The following MYO7B variants were observed in gnomAD, a reference collection of about 807,000 sequenced individuals.
MYO7B encodes unconventional myosin-VIIb.
MYO7B carries 212 observed loss-of-function variants against 259.7 expected under a neutral mutation model. The ratio of observed to expected loss-of-function variants is 0.82; its 90% CI spans 0.73 to 0.91. MYO7B has a LOEUF of 0.91. Ranked by LOEUF, MYO7B falls within the 40% of genes least tolerant of loss-of-function variation. The pLI, the probability that MYO7B is intolerant of heterozygous loss-of-function variation, is 0.00. For missense variants in MYO7B, 2,732 were observed against 2,813.5 expected, an observed-to-expected ratio of 0.97 and a Z score of 0.66; for synonymous variants, 1,197 against 1,166.4, an observed-to-expected ratio of 1.03 and a Z score of -0.54.
rs146937631 is a variant in MYO7B, at chr2:127,636,735, A to C, written c.6208-59A>C. ...GTGTCCTGCCTCTCTCCTGTCCCCT[A>C]ACACACACAGAGCCCGTGCTCTGGA... is the stretch of plus-strand genomic sequence containing the variant. On this transcript the variant is annotated intron_variant, in intron 46 of 47. Coordinates refer to ENST00000409816, the MANE Select transcript of MYO7B (RefSeq NM_001393586.1). This position sits in a 1 kb window ranked among gnomAD's most constrained non-coding sequence, Gnocchi z 4.5. The C allele has an allele frequency of 5.6e-6, 9 of 1,611,688 alleles. No individual in the cohort carries two copies. Among genetic ancestry groups the C allele is most frequent in the South Asian group, 3.3e-5 (3 of 90,920 alleles).
At chr2:127,635,051 G>C in intron 42 of MYO7B, 69 bp from the exon 43 acceptor site, 1 of 1,278,088 alleles carries the variant, frequency 7.8e-7, no homozygotes, top group East Asian at 2.4e-5. Context: ...CAGTGTGGGG[G>C]GTGGCAGGGG....
chr2:127,609,897 C>T lies in MYO7B; in HGVS notation c.3073C>T (p.Pro1025Ser). ...NVILRFMGDLPEPVLYARSSQ... is the reference protein window; with the variant it reads ...NVILRFMGDLSEPVLYARSSQ... ...CATCCTGAGGTTCATGGGTGATCTC[C>T]CAGAGCCAGTGCTGTATGCCAGGAG... The change falls in exon 24 of 48, where the codon CCA (proline) becomes TCA (serine). Residue 1025 changes from proline (P) to serine (S), a missense_variant. Around this residue, in one of 3 missense-constraint regions of MYO7B, gnomAD observed 1,906 missense variants for 2,026.4 expected, o/e 0.94. Coordinates refer to ENST00000409816, the MANE Select transcript of MYO7B (RefSeq NM_001393586.1). This position sits in a 1 kb window ranked among gnomAD's most constrained non-coding sequence, Gnocchi z 6.9. 1 of 1,611,704 alleles carries T rather than the reference C, an allele frequency of 6.2e-7. No homozygotes were observed.
chr2:127,582,499 C>A (rs1679142910), intron 12 of MYO7B, 53 bp downstream of exon 12: 3 of 1,590,396 alleles, frequency 1.9e-6, no homozygotes, highest in Middle Eastern at 1.7e-4. Context: ...AGAAGATAAG[C>A]AGCTCCTCTC....
At chr2:127,545,390 C>A (rs1052211911) in intron 1 of MYO7B, among the ~76,000 whole-genome samples, 1 of 152,186 alleles carries the variant, frequency 6.6e-6, no homozygotes, top group Non-Finnish European at 1.5e-5. Flanking sequence ...GCCCAGGGGC[C>A]CCCTCCTTCC....
chr2:127,600,978 C>T (rs556220267), intron 19 of MYO7B, among the ~76,000 whole-genome samples: 57 of 152,302 alleles, frequency 3.7e-4, no homozygotes, highest in African/African-American at 1.3e-3. Flanking sequence ...ACTGCTTTAG[C>T]TGTGTTTCAC....
At position 127,593,929 on chromosome 2, in the gene MYO7B, C is replaced by T. The variant is rs13419716; in HGVS notation, c.2244+285C>T. On this transcript the variant is annotated intron_variant, in intron 18 of 47. Coordinates refer to ENST00000409816, the MANE Select transcript of MYO7B (RefSeq NM_001393586.1). ...GCAAGGCCTGAGGGTGCAGAGGAGG[C>T]GCCTTCCAGCCACAGGGCAGCACCC... Among the ~76,000 whole-genome samples, 2,052 of 152,296 alleles carry T rather than the reference C, an allele frequency of 0.013. 48 individuals carry two copies. The highest frequency in any genetic ancestry group is 0.046 in the African/African-American group (1,924 of 41,548).
intron 27 of MYO7B, 128 bp from the exon 28 acceptor site, chr2:127,621,854 G>A (rs1680853642): frequency 7.4e-7 from 1 of 1,355,702 alleles, no homozygotes; most frequent in Admixed American, 2.0e-5. Flanking sequence ...CCTTCTAACG[G>A]GTGTGAGGGT....
At position 127,593,808 on chromosome 2, in the gene MYO7B, C is replaced by T. The variant is rs113784945; in HGVS notation, c.2244+164C>T. Among the ~76,000 whole-genome samples the T allele has an allele frequency of 2.2e-3, 339 of 152,340 alleles. 1 individual carries two copies. The highest frequency in any genetic ancestry group is 7.2e-3 in the African/African-American group (301 of 41,594). Reference sequence around the variant, plus strand: ...CCTCAGGGCACCCCTGGATGTAGAACATCACGCTAGGGGACAATGAGGTGG... The same window carrying T: ...CCTCAGGGCACCCCTGGATGTAGAATATCACGCTAGGGGACAATGAGGTGG... On this transcript the variant is annotated intron_variant, in intron 18 of 47. Transcript: ENST00000409816.
chr2:127,559,121 TC>T lies in MYO7B; in HGVS notation c.-23-577del, dbSNP rs1428935344. Among the ~76,000 whole-genome samples the T allele has an allele frequency of 9.2e-5, 14 of 152,180 alleles. No homozygotes were observed. The highest frequency in any genetic ancestry group is 7.3e-5 in the Non-Finnish European group (5 of 68,028). The stretch of plus-strand genomic sequence containing the variant: ...CAAGTGGGCTCCTCCCCGCTCCTCC[TC>T]CTGCTGGGCCTGGCTGCCTACTTGG... On this transcript the variant is annotated intron_variant, in intron 1 of 47. Coordinates refer to ENST00000409816, the MANE Select transcript of MYO7B (RefSeq NM_001393586.1). This position sits in a 1 kb window ranked among gnomAD's most constrained non-coding sequence, Gnocchi z 4.1.
Position 127,581,915 on chromosome 2 carries a change from T to C in MYO7B, c.1105T>C (p.Cys369Arg). Residue 369 changes from cysteine to arginine, a missense_variant, in exon 11 of 48, where the codon TGT becomes CGT. By Grantham distance (180) the Cys-to-Arg change is radical. This residue lies in a region of MYO7B where 1,906 missense variants were observed against 2,026.4 expected (regional missense o/e 0.94). Transcript: ENST00000409816. Reference sequence around the variant, plus strand: ...GGTGCAGCACCAGGAGCTCCGGGACTGTCTGATCAAGCACACCATCCTCAT... The same window carrying C: ...GGTGCAGCACCAGGAGCTCCGGGACCGTCTGATCAAGCACACCATCCTCAT... ...LEVQHQELRD[C>R]LIKHTILIRG... is the part of the protein sequence containing the mutation. 5.0e-6 allele frequency: 8 copies of C among 1,613,864 alleles called. No homozygotes were observed. Among genetic ancestry groups the C allele is most frequent in the Non-Finnish European group, 6.8e-6 (8 of 1,179,862 alleles).
intron 1 of MYO7B, among the ~76,000 whole-genome samples, chr2:127,549,812 A>T (rs972641177): frequency 6.6e-6 from 1 of 152,174 alleles, no homozygotes; most frequent in African/African-American, 2.4e-5. Context: ...GTGGGCACAC[A>T]TAAGGGGAGT....
intron 6 of MYO7B, among the ~76,000 whole-genome samples, chr2:127,571,804 C>T (rs1259907146): frequency 6.6e-6 from 1 of 152,064 alleles, no homozygotes; most frequent in Non-Finnish European, 1.5e-5. Context: ...AGAGTTCGTT[C>T]TGTGTTCTGG....
intron 1 of MYO7B, among the ~76,000 whole-genome samples, chr2:127,537,412 G>A (rs1345799925): frequency 6.6e-6 from 1 of 152,178 alleles, no homozygotes; most frequent in Non-Finnish European, 1.5e-5. Flanking sequence ...AAAACCAATG[G>A]CCTCCATACA....
Position 127,631,288 on chromosome 2 carries a change from C to A in MYO7B, c.5020C>A (p.Pro1674Thr), listed in dbSNP as rs1427340087. ...RGHLWAYSCEPLRQPLLKRVH... is the reference protein window; with the variant it reads ...RGHLWAYSCETLRQPLLKRVH... ...CCACCTGTGGGCCTATTCCTGCGAGCCGCTGCGACAGCCGCTGCTCAAGCG... is the reference window on the plus strand; with the variant it reads ...CCACCTGTGGGCCTATTCCTGCGAGACGCTGCGACAGCCGCTGCTCAAGCG... Residue 1674 changes from proline to threonine, a missense_variant, in exon 37 of 48, where the codon CCG (proline) becomes ACG (threonine). Physicochemically the swap from Pro to Thr is conservative, Grantham distance 38. Coordinates refer to ENST00000409816, the MANE Select transcript of MYO7B (RefSeq NM_001393586.1). 2 of 1,612,116 alleles carry A rather than the reference C, an allele frequency of 1.2e-6. No homozygotes were observed. The highest frequency in any genetic ancestry group is 1.7e-6 in the Non-Finnish European group (2 of 1,179,458).
At chr2:127,536,852 G>T (rs959212663) in intron 1 of MYO7B, among the ~76,000 whole-genome samples, 1 of 152,158 alleles carries the variant, frequency 6.6e-6, no homozygotes, top group Non-Finnish European at 1.5e-5. Flanking sequence ...GACCTGCTGG[G>T]GGCCCTACGT....
rs1204839342 is a variant in MYO7B, at chr2:127,592,892, C to A, written c.2091C>A (p.Phe697Leu). 1 of 1,608,748 alleles carries A rather than the reference C, an allele frequency of 6.2e-7. No individual in the cohort carries two copies. Among genetic ancestry groups the A allele is most frequent in the Admixed American group, 1.7e-5 (1 of 59,512 alleles). The part of the protein sequence containing the change: ...RKSGFPIRYT[F>L]EEFSQRFGVL... ...CGGGCTTCCCCATCCGCTACACGTT[C>A]GAGGAGTTCTCGCAGAGGTTCGGCG... The change falls in exon 17 of 48, where the codon TTC becomes TTA. Residue 697 changes from phenylalanine to leucine, a missense_variant. By Grantham distance (22) the Phe-to-Leu change is conservative (BLOSUM62 0). This residue lies in a region of MYO7B where 1,906 missense variants were observed against 2,026.4 expected (regional missense o/e 0.94). Coordinates refer to ENST00000409816, the MANE Select transcript of MYO7B (RefSeq NM_001393586.1).
Position 127,584,892 on chromosome 2 carries a change from G to A in MYO7B, c.1669G>A (p.Glu557Lys), listed in dbSNP as rs748713861. 10 of 1,613,792 alleles carry A rather than the reference G, an allele frequency of 6.2e-6. No homozygotes were observed. The highest frequency in any genetic ancestry group is 3.3e-5 in the South Asian group (3 of 91,080). Residue 557 changes from glutamate (E) to lysine (K), a missense_variant, in exon 14 of 48, where the codon GAG becomes AAG. Physicochemically the swap from Glu to Lys is moderately conservative, Grantham distance 56 (BLOSUM62 1). Around this residue, in one of 3 missense-constraint regions of MYO7B, gnomAD observed 1,906 missense variants for 2,026.4 expected, o/e 0.94. Coordinates refer to ENST00000409816, the MANE Select transcript of MYO7B (RefSeq NM_001393586.1). The surrounding 1 kb of genome is among the most constrained non-coding windows in gnomAD (Gnocchi z 5.8). Reference sequence around the variant, plus strand: ...ATTTGGCATTGCCCATTTTGCCGGCGAGGTGTACTACCAAGCAGAAGGTGG... The same window carrying A: ...ATTTGGCATTGCCCATTTTGCCGGCAAGGTGTACTACCAAGCAGAAGGTGG... Reference protein sequence around the residue: ...ARFGIAHFAGEVYYQAEGFLE... With the variant: ...ARFGIAHFAGKVYYQAEGFLE...
rs140364440 is a variant in MYO7B at position 127,564,049 on chromosome 2, G to C, written c.19-104G>C. On this transcript the variant is annotated intron_variant, in intron 2 of 47. Coordinates refer to ENST00000409816, the MANE Select transcript of MYO7B (RefSeq NM_001393586.1). ...AGGAGAGACAAGCTCCAGCCACCTT[G>C]GGAGCTCTGGGCTGGAAGGCATAGC... The C allele has an allele frequency of 4.3e-4, 325 of 750,968 alleles. 3 individuals carry two copies. In the East Asian group the frequency reaches 9.3e-3, roughly 22 times the overall value. The allele number at this position is 750,968 out of a possible 1,614,324, so 46.5% of individuals were successfully genotyped here.
In MYO7B at chr2:127,585,811, C is replaced by T. The variant is rs1027562698; in HGVS notation, c.1690+898C>T. On this transcript the variant is annotated intron_variant, in intron 14 of 47. Coordinates refer to ENST00000409816, the MANE Select transcript of MYO7B (RefSeq NM_001393586.1). This position sits in a 1 kb window ranked among gnomAD's most constrained non-coding sequence, Gnocchi z 4.3. The stretch of plus-strand genomic sequence containing the variant: ...GTCTCAATGTGATTTGCATCTGCAT[C>T]CCCCGATGGCTAATGATGTTGATCG... Among the ~76,000 whole-genome samples the T allele has an allele frequency of 4.6e-5, 7 of 152,200 alleles. No homozygotes were observed. The highest frequency in any genetic ancestry group is 7.3e-5 in the Non-Finnish European group (5 of 68,040).
Sources: allele counts gnomAD v4.1 joint callset (sites outside exome capture counted in the v4.1 genomes callset), GRCh38; gene constraint gnomAD v4.1.1; regional missense constraint gnomAD v4.1.1; non-coding constraint Gnocchi (gnomAD v3.1); transcripts MANE v1.5; gene names NCBI Gene and HGNC (gene_info 2026-07-23, HGNC 2026-07-21).